The following GPHN variants were observed in gnomAD, a reference collection of about 807,000 sequenced individuals.
GPHN encodes the protein gephyrin.
A neutral mutation model predicts 95.5 loss-of-function variants in GPHN; 17 were observed. That is an observed-to-expected ratio of 0.18 (90% CI 0.12 to 0.27). The LOEUF (loss-of-function observed/expected upper bound fraction) is 0.27. Among genes scored for constraint, GPHN ranks in the 10% least tolerant of loss-of-function variants. The pLI is 1.00. For synonymous variants in GPHN, 320 were observed against 322.5 expected (o/e 0.99, Z 0.08); for missense variants, 660 against 978.1 (o/e 0.67, Z 4.34).
chr14:67,198,043 G>C, the GPHN span: 1 of 1,239,638 alleles, frequency 8.1e-7, no homozygotes, highest in African/African-American at 1.5e-5. Context: ...CACAGATATT[G>C]ATAAAATTTG....
intron 1 of GPHN, among the ~76,000 whole-genome samples, chr14:66,609,394 C>T (rs2062687181): frequency 6.6e-6 from 1 of 151,998 alleles, no homozygotes; most frequent in Non-Finnish European, 1.5e-5. Context: ...TAACATCGGC[C>T]TTGGTGAATC....
the GPHN span, among the ~76,000 whole-genome samples, chr14:67,323,430 C>A: frequency 9.9e-5 from 15 of 151,388 alleles, no homozygotes; most frequent in African/African-American, 3.6e-4. Flanking sequence ...GCCTGGACAA[C>A]AAAGCGAGAT....
the GPHN span, chr14:67,292,493 C>T: frequency 4.6e-6 from 7 of 1,535,168 alleles, no homozygotes; most frequent in Admixed American, 1.7e-5. Flanking sequence ...TTTTGGATAC[C>T]TTTTCTTCTT....
the GPHN span, among the ~76,000 whole-genome samples, chr14:67,606,446 G>A: frequency 1.4e-3 from 214 of 152,294 alleles, 1 homozygote; most frequent in Non-Finnish European, 2.3e-3. Flanking sequence ...AGAAAGTTTA[G>A]ATAAAAGATG....
At chr14:66,627,832 T>C (rs1280295105) in intron 1 of GPHN, among the ~76,000 whole-genome samples, 1 of 152,146 alleles carries the variant, frequency 6.6e-6, no homozygotes, top group East Asian at 1.9e-4. Flanking sequence ...CTGCTTTCAC[T>C]AATAATGGTG....
chr14:67,341,227 A>C, the GPHN span, among the ~76,000 whole-genome samples: 4 of 151,882 alleles, frequency 2.6e-5, no homozygotes, highest in South Asian at 8.3e-4. Flanking sequence ...CTAGGAAGTG[A>C]GGAGCGTCTC....
At chr14:67,650,569 C>A in the GPHN span, 2 of 674,846 alleles carry the variant, frequency 3.0e-6, no homozygotes, top group Non-Finnish European at 5.2e-6. Flanking sequence ...GGATGAGGTG[C>A]AAGGGGCTTC....
intron 2 of GPHN, among the ~76,000 whole-genome samples, chr14:66,770,420 G>A (rs528374006): frequency 6.6e-6 from 1 of 152,246 alleles, no homozygotes; most frequent in African/African-American, 2.4e-5. Flanking sequence ...ATCCAGAATG[G>A]TATTGCCTAG....
At chr14:67,393,171 T>C in the GPHN span, 5 of 1,613,484 alleles carry the variant, frequency 3.1e-6, 1 homozygote, top group Non-Finnish European at 4.2e-6. Flanking sequence ...TTTTTATAGG[T>C]GCTTCCCTGC....
the GPHN span, among the ~76,000 whole-genome samples, chr14:67,700,664 T>C: frequency 7.1e-6 from 1 of 141,414 alleles, no homozygotes; most frequent in African/African-American, 2.7e-5. Flanking sequence ...GCAGTGAGCC[T>C]AGATCGCGGC....
At chr14:67,519,089 G>T in the GPHN span, among the ~76,000 whole-genome samples, 6 of 152,322 alleles carry the variant, frequency 3.9e-5, no homozygotes, top group Non-Finnish European at 7.4e-5. Context: ...GTCTTGGTGA[G>T]AAGAGGTCAA....
At chr14:66,736,694 T>G (rs1347259797) in intron 2 of GPHN, among the ~76,000 whole-genome samples, 3 of 152,162 alleles carry the variant, frequency 2.0e-5, no homozygotes, top group Non-Finnish European at 4.4e-5. Flanking sequence ...CGTGAGCCAC[T>G]GTGCCTGGCC....
chr14:67,688,063 GC>G, the GPHN span, among the ~76,000 whole-genome samples: 2 of 151,858 alleles, frequency 1.3e-5, no homozygotes, highest in Non-Finnish European at 2.9e-5. Context: ...GTGAGCCACC[GC>G]GCCCGGCCTC....
At chr14:66,755,750 C>G (rs532105683) in intron 2 of GPHN, among the ~76,000 whole-genome samples, 341 of 152,122 alleles carry the variant, frequency 2.2e-3, no homozygotes, top group African/African-American at 7.7e-3. Flanking sequence ...GAATGCTTTT[C>G]TTTCATATAT....
chr14:66,769,492 A>G (rs754180507), intron 2 of GPHN, among the ~76,000 whole-genome samples: 13 of 151,866 alleles, frequency 8.6e-5, no homozygotes, highest in South Asian at 2.1e-4. Flanking sequence ...CCACCCTCCA[A>G]TAGACCCCGG....
intron 11 of GPHN, 193 bp downstream of exon 11, chr14:67,058,979 T>A (rs3752993): frequency 5.7e-5 from 26 of 456,420 alleles, no homozygotes; most frequent in South Asian, 4.7e-4. Context: ...GTATACAGAG[T>A]AAAATCCATG....
intron 18 of GPHN, among the ~76,000 whole-genome samples, chr14:67,150,440 CAAAAAAAAAAAACAAAAAAAA>C (rs938694129): frequency 2.4e-3 from 41 of 17,012 alleles, no homozygotes; most frequent in Admixed American, 0.015. Context: ...GACTCCGTCT[CAAAAAAAAAAAACAAAAAAAA>C]AAAAAAAAAA....
At chr14:67,489,593 A>G in the GPHN span, among the ~76,000 whole-genome samples, 1 of 150,618 alleles carries the variant, frequency 6.6e-6, no homozygotes, top group African/African-American at 2.4e-5. Context: ...CTCCCTCCTC[A>G]CTCCTTTGCG....
chr14:67,085,738 T>A (rs1458166257), intron 11 of GPHN, among the ~76,000 whole-genome samples: 1 of 152,238 alleles, frequency 6.6e-6, no homozygotes, highest in Non-Finnish European at 1.5e-5. Flanking sequence ...TTTTAACCAT[T>A]TTTAAGTGTA....
Sources: allele counts gnomAD v4.1 joint callset (sites outside exome capture counted in the v4.1 genomes callset), GRCh38; gene constraint gnomAD v4.1.1; transcripts MANE v1.5; gene names NCBI Gene and HGNC (gene_info 2026-07-23, HGNC 2026-07-21).